Variants in FBXO3 observed in about 807,000 individuals in gnomAD.
FBXO3 encodes the protein F-box protein 3.
FBXO3 carries 17 observed loss-of-function variants against 64.8 expected under a neutral mutation model. The observed-to-expected ratio is 0.26, with a 90% CI of 0.18 to 0.39. The LOEUF (loss-of-function observed/expected upper bound fraction) is 0.39. Ranked by LOEUF, FBXO3 falls within the 10% of genes least tolerant of loss-of-function variation. FBXO3 has a pLI of 1.00. For missense variants in FBXO3, 420 were observed against 589.9 expected, an observed-to-expected ratio of 0.71 and a Z score of 2.98; for synonymous variants, 182 against 201.6, an observed-to-expected ratio of 0.90 and a Z score of 0.82.
intron 3 of FBXO3, among the ~76,000 whole-genome samples, chr11:33,762,521 T>A (rs1187554096): frequency 1.3e-5 from 2 of 152,090 alleles, no homozygotes; most frequent in East Asian, 3.8e-4. Flanking sequence ...ATTTAGAAAT[T>A]AAGTAATACA....
rs77842483 is a variant in FBXO3 at position 33,751,144 on chromosome 11, C to T, written c.809+379G>A. ...GTACTCCCTACAATACCTGAATGTT[C>T]CATTTAGAGATAATAAATATTTGCC... On this transcript the variant is annotated intron_variant, in intron 7 of 10. Coordinates refer to ENST00000265651, the MANE Select transcript of FBXO3 (RefSeq NM_012175.4). Among the ~76,000 whole-genome samples the T allele has an allele frequency of 6.9e-3, 1,052 of 152,264 alleles. 17 individuals are homozygous for T. Among genetic ancestry groups the T allele is most frequent in the African/African-American group, 0.023 (960 of 41,532 alleles).
At chr11:33,771,009 G>T (rs1855497664) in intron 1 of FBXO3, 179 bp from the exon 2 acceptor site, 3 of 485,206 alleles carry the variant, frequency 6.2e-6, no homozygotes, top group Admixed American at 3.4e-5. Context: ...TAGTATAATT[G>T]CCTTGTTAGT....
intron 10 of FBXO3, 100 bp downstream of exon 10, chr11:33,747,030 C>T (rs1305891214): frequency 4.6e-6 from 7 of 1,533,460 alleles, no homozygotes; most frequent in Non-Finnish European, 6.1e-6. Context: ...CTCTAGGGTT[C>T]TCTGGAACAC....
At chr11:33,760,477 T>TAAA (rs111943534) in intron 3 of FBXO3, among the ~76,000 whole-genome samples, 2 of 143,328 alleles carry the variant, frequency 1.4e-5, no homozygotes, top group Non-Finnish European at 3.1e-5. Context: ...ACCCCATCTA[T>TAAA]AAAAAAAAAA....
At chr11:33,749,361 T>A (rs771526790) in intron 8 of FBXO3, among the ~76,000 whole-genome samples, 25 of 49,730 alleles carry the variant, frequency 5.0e-4, no homozygotes, top group Non-Finnish European at 1.0e-3. Context: ...GGGATTACAC[T>A]TTTTTTTTTT....
At chr11:33,771,828 C>T (rs1237155605) in intron 1 of FBXO3, 1 of 152,204 alleles carries the variant, frequency 6.6e-6, no homozygotes, top group African/African-American at 2.4e-5. Context: ...ATTCAGTTTC[C>T]ATACCCTCTT....
In FBXO3 at chr11:33,750,466, T is replaced by C. The variant is rs1854926486; in HGVS notation, c.932+73A>G. ...AATGTGTCTTACATATCATGTCAAA[T>C]GGGACAATAGCAACATGTCCATTGG... On this transcript the variant is annotated intron_variant, in intron 8 of 10. Coordinates refer to ENST00000265651, the MANE Select transcript of FBXO3 (RefSeq NM_012175.4). The C allele has an allele frequency of 2.6e-6, 4 of 1,524,488 alleles. No homozygotes were observed. The African/African-American group carries it at 5.5e-5, about 21-fold the overall frequency. The allele number at this position is 1,524,488 out of a possible 1,614,324, so 94.4% of individuals were successfully genotyped here.
intron 2 of FBXO3, 83 bp from the exon 3 acceptor site, chr11:33,769,097 T>G (rs2133623927): frequency 8.6e-7 from 1 of 1,159,320 alleles, no homozygotes; most frequent in East Asian, 2.7e-5. Flanking sequence ...ATATAGAAAC[T>G]TGTACTTTTC....
intron 3 of FBXO3, chr11:33,763,258 TA>T (rs1336573477): frequency 2.2e-6 from 1 of 447,922 alleles, no homozygotes; most frequent in Non-Finnish European, 4.5e-6. Context: ...ACTCGTTTTA[TA>T]AGGCCAGCAT....
At position 33,768,858 on chromosome 11, in the gene FBXO3, A is replaced by G; in HGVS notation, c.351T>C (p.Ser117=). Residue 117 remains serine (S), a synonymous_variant, in exon 3 of 11, where the codon TCT becomes TCC. Coordinates refer to ENST00000265651, the MANE Select transcript of FBXO3 (RefSeq NM_012175.4). ...ACCCTGAATTCCCAGTACCTTTCAGAGATAAAACCATCCGAGGACACCTGG... is the reference window on the plus strand; with the variant it reads ...ACCCTGAATTCCCAGTACCTTTCAGGGATAAAACCATCCGAGGACACCTGG... The part of the protein sequence containing the change: ...LEPRCPRMVL[S]LKEGAREEDL... 4 of 1,613,994 alleles carry G rather than the reference A, an allele frequency of 2.5e-6. No homozygotes were observed. Among genetic ancestry groups the G allele is most frequent in the Non-Finnish European group, 3.4e-6 (4 of 1,179,928 alleles).
intron 4 of FBXO3, among the ~76,000 whole-genome samples, chr11:33,758,112 G>A (rs895024190): frequency 1.3e-5 from 2 of 152,116 alleles, no homozygotes; most frequent in Non-Finnish European, 2.9e-5. Flanking sequence ...TACATGTATA[G>A]TAGGTAGAAT....
chr11:33,749,436 C>T (rs1854897997), intron 8 of FBXO3, among the ~76,000 whole-genome samples: 1 of 151,218 alleles, frequency 6.6e-6, no homozygotes, highest in Admixed American at 6.6e-5. Flanking sequence ...CTTGGGCTCA[C>T]TGCAGCCTTG....
intron 6 of FBXO3, chr11:33,753,767 T>C (rs947302775): frequency 1.3e-5 from 2 of 152,234 alleles, no homozygotes; most frequent in South Asian, 4.1e-4. Context: ...AAGGACTCTT[T>C]ACTATTCATA....
chr11:33,741,464 T>C lies in FBXO3; in HGVS notation c.*444A>G, dbSNP rs1489517419. The C allele has an allele frequency of 6.5e-6, 1 of 152,944 alleles. No homozygotes were observed. The highest frequency in any genetic ancestry group is 1.5e-5 in the Non-Finnish European group (1 of 68,268). 9.5% of individuals were successfully genotyped at this position (152,944 alleles called of 1,614,324 possible). A position where few individuals can be genotyped will look rare whatever the true frequency, so the allele number is the denominator to read the frequency against. Reference sequence around the variant, plus strand: ...AAATATTAGGAATCACTAAATGGATTAGCCTAATTACAAATTTTGATCATT... The same window carrying C: ...AAATATTAGGAATCACTAAATGGATCAGCCTAATTACAAATTTTGATCATT... On this transcript the variant is annotated 3_prime_UTR_variant, in exon 11 of 11. Transcript: ENST00000265651.
At chr11:33,771,671 G>A (rs908954857) in intron 1 of FBXO3, 1 of 152,168 alleles carries the variant, frequency 6.6e-6, no homozygotes, top group African/African-American at 2.4e-5. Flanking sequence ...CCATGACTAA[G>A]GTGTGTTAAA....
chr11:33,741,826 G>A lies in FBXO3; in HGVS notation c.*82C>T. On this transcript the variant is annotated 3_prime_UTR_variant, in exon 11 of 11. Transcript: ENST00000265651. ...TGCTAGTTTTCCTGCTATATGCAGAGAACAATTTAGTTATTTACATTATTG... is the reference window on the plus strand; with the variant it reads ...TGCTAGTTTTCCTGCTATATGCAGAAAACAATTTAGTTATTTACATTATTG... 2 of 1,374,724 alleles carry A rather than the reference G, an allele frequency of 1.5e-6. No individual in the cohort carries two copies. Among genetic ancestry groups the A allele is most frequent in the Non-Finnish European group, 9.6e-7 (1 of 1,040,336 alleles). 85.2% of individuals were successfully genotyped at this position (1,374,724 alleles called of 1,614,324 possible).
chr11:33,774,479 C>CGGTCTCCATGGCCGCCATCTT lies in FBXO3; in HGVS notation c.-3_18dup (p.Thr6_Glu7insLysMetAlaAlaMetGluThr). On this transcript the variant is annotated inframe_insertion, in exon 1 of 11. Transcript: ENST00000265651. The stretch of plus-strand genomic sequence containing the variant: ...GACTCTAGGGTCAGCGGCGCCGTCT[C>CGGTCTCCATGGCCGCCATCTT]GGTCTCCATGGCCGCCATCTTGCCT... 1.3e-6 allele frequency: 2 copies of CGGTCTCCATGGCCGCCATCTT among 1,578,870 alleles called. No individual in the cohort carries two copies. Among genetic ancestry groups the CGGTCTCCATGGCCGCCATCTT allele is most frequent in the Non-Finnish European group, 1.7e-6 (2 of 1,163,412 alleles).
intron 2 of FBXO3, among the ~76,000 whole-genome samples, chr11:33,769,740 C>T (rs912801214): frequency 1.3e-5 from 2 of 151,512 alleles, no homozygotes; most frequent in Admixed American, 6.6e-5. Context: ...GAGAGAGACA[C>T]GCCTAGGATG....
chr11:33,754,546 A>AT, intron 5 of FBXO3, 46 bp from the exon 6 acceptor site: 2 of 1,513,616 alleles, frequency 1.3e-6, no homozygotes, highest in Non-Finnish European at 1.8e-6. Flanking sequence ...ATTTTACTTA[A>AT]TTTTTCATTG....
Sources: allele counts gnomAD v4.1 joint callset (sites outside exome capture counted in the v4.1 genomes callset), GRCh38; gene constraint gnomAD v4.1.1; transcripts MANE v1.5; gene names NCBI Gene and HGNC (gene_info 2026-07-23, HGNC 2026-07-21).